Variants in UBE2E2 observed in about 807,000 individuals in gnomAD.
The protein encoded by UBE2E2 is ubiquitin conjugating enzyme E2 E2.
Under a neutral mutation model 24.7 loss-of-function variants are expected in UBE2E2, and 6 were observed. The ratio of observed to expected loss-of-function variants is 0.24; its 90% CI spans 0.13 to 0.48. The LOEUF (loss-of-function observed/expected upper bound fraction) is 0.48, where lower values mean the gene tolerates loss of function less well. Among genes scored for constraint, UBE2E2 ranks in the 20% least tolerant of loss-of-function variants. UBE2E2 has a pLI of 0.99. For missense variants in UBE2E2, 169 were observed against 245.0 expected (o/e 0.69, Z 2.07); for synonymous variants, 104 against 83.6 (o/e 1.24, Z -1.33).
In UBE2E2 at chr3:23,590,945, TTGCC is replaced by T. The variant is rs1696746491; in HGVS notation, c.*1115_*1118del. 1.3e-5 allele frequency: 2 copies of T among 152,250 alleles called. No individual in the cohort carries two copies. Among genetic ancestry groups the T allele is most frequent in the Non-Finnish European group, 2.9e-5 (2 of 68,046 alleles). 9.4% of individuals were successfully genotyped at this position (152,250 alleles called of 1,614,324 possible). ...ATTTCTCTCAAAATTGTTACAGTGATTGCCCTCAAGCTTTGTATTGTTCATTTTT... is the reference window on the plus strand; with the variant it reads ...ATTTCTCTCAAAATTGTTACAGTGATCTCAAGCTTTGTATTGTTCATTTTT... On this transcript the variant is annotated 3_prime_UTR_variant, in exon 6 of 6. Coordinates refer to ENST00000396703, the MANE Select transcript of UBE2E2 (RefSeq NM_152653.4).
chr3:23,571,280 C>CTTTTTTTGTTTTTTTTTTTTTTTTTTTT (rs1696219053), intron 5 of UBE2E2, among the ~76,000 whole-genome samples: 1 of 29,866 alleles, frequency 3.3e-5, no homozygotes, highest in Non-Finnish European at 6.6e-5. Context: ...GTGCTCCTTT[C>CTTTTTTTGTTTTTTTTTTTTTTTTTTTT]TTTTTTTTTT....
Position 23,354,535 on chromosome 3 carries a change from A to G in UBE2E2, c.227+137223A>G, listed in dbSNP as rs190984889. On this transcript the variant is annotated intron_variant, in intron 3 of 5. Transcript: ENST00000396703. ...TACAATGAACTCCAACAAATTTGCA[A>G]GAAAAAAACAACCCCATCAAAAAGT... 6.6e-4 allele frequency among the ~76,000 whole-genome samples: 100 copies of G among 152,358 alleles called. 5 individuals carry two copies. In the East Asian group the frequency reaches 0.016, roughly 24 times the overall value.
intron 3 of UBE2E2, among the ~76,000 whole-genome samples, chr3:23,464,485 G>T (rs1312624107): frequency 6.6e-6 from 1 of 152,014 alleles, no homozygotes; most frequent in East Asian, 1.9e-4. Flanking sequence ...AACCTAATAA[G>T]AATAGGGGAG....
intron 3 of UBE2E2, among the ~76,000 whole-genome samples, chr3:23,235,751 G>A (rs1697087328): frequency 6.6e-6 from 1 of 152,130 alleles, no homozygotes; most frequent in Non-Finnish European, 1.5e-5. Flanking sequence ...AAATCATGGG[G>A]TTGGGTTTGA....
intron 4 of UBE2E2, among the ~76,000 whole-genome samples, chr3:23,520,574 A>C (rs1270861783): frequency 6.6e-6 from 1 of 152,234 alleles, no homozygotes; most frequent in Non-Finnish European, 1.5e-5. Flanking sequence ...CAACCAAAAG[A>C]GTGGGAATTT....
chr3:23,298,397 C>A (rs1277594553), intron 3 of UBE2E2, among the ~76,000 whole-genome samples: 1 of 152,164 alleles, frequency 6.6e-6, no homozygotes, highest in African/African-American at 2.4e-5. Context: ...CAGTTTTTGC[C>A]CATTCAGTAT....
chr3:23,503,280 C>T (rs1289793801), intron 4 of UBE2E2, among the ~76,000 whole-genome samples: 1 of 151,934 alleles, frequency 6.6e-6, no homozygotes, highest in Admixed American at 6.6e-5. Context: ...ACCTCCGCCC[C>T]CTGGATTCAA....
chr3:23,484,746 C>T (rs1699326229), intron 3 of UBE2E2, among the ~76,000 whole-genome samples: 1 of 152,148 alleles, frequency 6.6e-6, no homozygotes, highest in African/African-American at 2.4e-5. Flanking sequence ...GAAGGGGGAG[C>T]AAAGGCAGGT....
chr3:23,542,455 A>G (rs552550425), intron 5 of UBE2E2, among the ~76,000 whole-genome samples: 7 of 152,328 alleles, frequency 4.6e-5, no homozygotes, highest in African/African-American at 1.7e-4. Context: ...GAAATGATTT[A>G]AAGTTGCAGT....
intron 3 of UBE2E2, among the ~76,000 whole-genome samples, chr3:23,330,088 A>G (rs1420104403): frequency 6.6e-6 from 1 of 152,210 alleles, no homozygotes; most frequent in African/African-American, 2.4e-5. Flanking sequence ...TAAAAGAAAC[A>G]CTCGAGAAGC....
At chr3:23,249,233 C>G (rs1328472391) in intron 3 of UBE2E2, among the ~76,000 whole-genome samples, 2 of 151,064 alleles carry the variant, frequency 1.3e-5, no homozygotes, top group Non-Finnish European at 2.9e-5. Context: ...GATTGCACCA[C>G]CACACCCCAG....
At chr3:23,586,463 T>A (rs1210318530) in intron 5 of UBE2E2, among the ~76,000 whole-genome samples, 1 of 151,988 alleles carries the variant, frequency 6.6e-6, no homozygotes, top group African/African-American at 2.4e-5. Flanking sequence ...CCTGGCTAAT[T>A]TTTGTTATTT....
chr3:23,481,791 A>G (rs1477761073), intron 3 of UBE2E2, among the ~76,000 whole-genome samples: 1 of 152,222 alleles, frequency 6.6e-6, no homozygotes, highest in East Asian at 1.9e-4. Flanking sequence ...AAAAACCACT[A>G]AATCCTTCAA....
chr3:23,462,966 C>A (rs1325022716), intron 3 of UBE2E2, among the ~76,000 whole-genome samples: 1 of 152,060 alleles, frequency 6.6e-6, no homozygotes, highest in Non-Finnish European at 1.5e-5. Flanking sequence ...TTAAACAGTG[C>A]CTACCATATA....
intron 3 of UBE2E2, among the ~76,000 whole-genome samples, chr3:23,450,392 T>A (rs919808477): frequency 6.6e-6 from 1 of 152,190 alleles, no homozygotes; most frequent in African/African-American, 2.4e-5. Flanking sequence ...TAATTTTAAT[T>A]AATTTTGCTA....
At chr3:23,222,286 T>C (rs1209791698) in intron 3 of UBE2E2, among the ~76,000 whole-genome samples, 1 of 152,222 alleles carries the variant, frequency 6.6e-6, no homozygotes, top group East Asian at 1.9e-4. Flanking sequence ...TTTTAGCTAT[T>C]GTGAATGGTA....
chr3:23,535,480 T>G (rs550138974), intron 5 of UBE2E2, among the ~76,000 whole-genome samples: 1 of 152,234 alleles, frequency 6.6e-6, no homozygotes, highest in South Asian at 2.1e-4. Context: ...GTGGCAGATG[T>G]CCAAACGTTA....
chr3:23,519,138 T>A (rs1169218773), intron 4 of UBE2E2, among the ~76,000 whole-genome samples: 1 of 152,160 alleles, frequency 6.6e-6, no homozygotes, highest in Non-Finnish European at 1.5e-5. Flanking sequence ...AGTAAACCAA[T>A]ATTTGTATGT....
chr3:23,541,928 C>T (rs1377568262), intron 5 of UBE2E2, among the ~76,000 whole-genome samples: 1 of 152,178 alleles, frequency 6.6e-6, no homozygotes, highest in Non-Finnish European at 1.5e-5. Flanking sequence ...CTTGTCCAGA[C>T]TGGCTGGCTC....
Sources: gnomAD v4.1 joint callset for allele counts (sites outside exome capture counted in the v4.1 genomes callset) on GRCh38, gnomAD v4.1.1 for gene constraint, MANE v1.5 for transcripts, NCBI Gene and HGNC (gene_info 2026-07-23, HGNC 2026-07-21) for gene names.